Variants in C20orf144 observed in about 807,000 individuals in gnomAD.
C20orf144 encodes chromosome 20 open reading frame 144.
A neutral mutation model predicts 3.8 loss-of-function variants in C20orf144; 8 were observed. The observed-to-expected ratio is 2.11, with a 90% CI of 1.24 to 3.80. The LOEUF (loss-of-function observed/expected upper bound fraction) is 3.80. C20orf144 is among the 30% of genes most tolerant of loss of function. C20orf144 has a pLI of 0.00. For missense variants in C20orf144, 289 were observed against 224.5 expected, an observed-to-expected ratio of 1.29 and a Z score of -1.83; for synonymous variants, 126 against 104.1, an observed-to-expected ratio of 1.21 and a Z score of -1.28.
rs1276756099 is a variant in C20orf144, at chr20:33,663,724, C to T, written c.319C>T (p.Pro107Ser). ...GCTGCGGCGGCAAGAGGCGCGGCGG[C>T]CGGAAGAGGGCGGGGCCAGGGCAGC... The part of the protein sequence containing the change: ...LLLRRQEARR[P>S]EEGGARAALS... Residue 107 changes from proline to serine, a missense_variant, in exon 2 of 2, where the codon CCG (proline) becomes TCG (serine). Physicochemically the swap from Pro to Ser is moderately conservative, Grantham distance 74. Coordinates refer to ENST00000375222, the MANE Select transcript of C20orf144 (RefSeq NM_080825.4). 17 of 1,537,042 alleles carry T rather than the reference C, an allele frequency of 1.1e-5. No homozygotes were observed. The highest frequency in any genetic ancestry group is 1.4e-5 in the Non-Finnish European group (16 of 1,148,600).
In C20orf144 at chr20:33,663,234, G is replaced by C. The variant is rs1026250810; in HGVS notation, c.127-298G>C. The C allele has an allele frequency of 3.2e-5, 15 of 472,210 alleles. No homozygotes were observed. The Admixed American group carries it at 3.7e-4, about 12-fold the overall frequency. 29.3% of individuals were successfully genotyped at this position (472,210 alleles called of 1,614,324 possible). ...GGAGGTGCTGAAAGCCCCTGACATA[G>C]GGCCTGGAAGGGATCTCATAAACTT... On this transcript the variant is annotated intron_variant, in intron 1 of 1. Transcript: ENST00000375222.
chr20:33,663,767 T>G lies in C20orf144; in HGVS notation c.362T>G (p.Leu121Arg), dbSNP rs751530722. 9 of 1,389,248 alleles carry G rather than the reference T, an allele frequency of 6.5e-6. No homozygotes were observed. Among genetic ancestry groups the G allele is most frequent in the Non-Finnish European group, 8.4e-6 (9 of 1,074,228 alleles). The allele number at this position is 1,389,248 out of a possible 1,614,324, so 86.1% of individuals were successfully genotyped here. A position where few individuals can be genotyped will look rare whatever the true frequency, so the allele number is the denominator to read the frequency against. ...AGGGCAGCTCTGAGCTGGCCGCGGC[T>G]GCTCTCGCGCTTCCGGTCCCCGGGG... ...GARAALSWPR[L>R]LSRFRSPGKA... The change falls in exon 2 of 2, where the codon CTG (leucine) becomes CGG (arginine). Residue 121 changes from leucine to arginine, a missense_variant. Transcript: ENST00000375222.
chr20:33,663,781 C>A lies in C20orf144; in HGVS notation c.376C>A (p.Arg126=). The change falls in exon 2 of 2, where the codon CGG becomes AGG. Residue 126 remains arginine (R), a synonymous_variant. Transcript: ENST00000375222. ...CTGGCCGCGGCTGCTCTCGCGCTTC[C>A]GGTCCCCGGGGAAGGCTCCCCGCGA... ...LSWPRLLSRF[R]SPGKAPREAG... is the part of the protein sequence containing the mutation. 7.0e-7 allele frequency: 1 copy of A among 1,432,332 alleles called. No individual in the cohort carries two copies. The highest frequency in any genetic ancestry group is 9.1e-7 in the Non-Finnish European group (1 of 1,102,380). The allele number at this position is 1,432,332 out of a possible 1,614,324, so 88.7% of individuals were successfully genotyped here.
rs1399691307 is a variant in C20orf144 at position 33,663,818 on chromosome 20, C to T, written c.413C>T (p.Ala138Val). ...PGKAPREAGPAEEQPRKRCRC... is the reference protein window; with the variant it reads ...PGKAPREAGPVEEQPRKRCRC... ...AAGGCTCCCCGCGAAGCCGGCCCCG[C>T]CGAGGAGCAGCCGCGCAAACGGTGC... The change falls in exon 2 of 2, where the codon GCC (alanine) becomes GTC (valine). Residue 138 changes from alanine (A) to valine (V), a missense_variant. By Grantham distance (64) the Ala-to-Val change is moderately conservative (BLOSUM62 0). Coordinates refer to ENST00000375222, the MANE Select transcript of C20orf144 (RefSeq NM_080825.4). 1.1e-5 allele frequency: 16 copies of T among 1,414,914 alleles called. No individual in the cohort carries two copies. In the East Asian group the frequency reaches 4.7e-4, roughly 41 times the overall value. The allele number at this position is 1,414,914 out of a possible 1,614,324, so 87.6% of individuals were successfully genotyped here.
intron 1 of C20orf144, among the ~76,000 whole-genome samples, chr20:33,663,144 T>A (rs986445628): frequency 6.6e-6 from 1 of 152,112 alleles, no homozygotes; most frequent in African/African-American, 2.4e-5. Flanking sequence ...TCTCTTCAGC[T>A]CCTAGGCTCA....
chr20:33,662,586 G>A (rs1044270193), intron 1 of C20orf144, 115 bp downstream of exon 1: 6 of 1,240,736 alleles, frequency 4.8e-6, no homozygotes, highest in Non-Finnish European at 5.6e-6. Flanking sequence ...GAAGTCCTAG[G>A]GGGTGAGGGA....
chr20:33,663,348 G>C (rs915519687), intron 1 of C20orf144, 184 bp from the exon 2 acceptor site: 24 of 612,638 alleles, frequency 3.9e-5, no homozygotes, highest in Middle Eastern at 4.4e-4. Flanking sequence ...AGGGAAGGGC[G>C]GGCTTCCCCG....
intron 1 of C20orf144, 102 bp from the exon 2 acceptor site, chr20:33,663,430 G>C: frequency 7.8e-7 from 1 of 1,274,636 alleles, no homozygotes. Context: ...TGGACGACAG[G>C]ACCCGGGTGG....
rs774872819 is a variant in C20orf144 at position 33,663,661 on chromosome 20, G to C, written c.256G>C (p.Gly86Arg). 2.5e-6 allele frequency: 4 copies of C among 1,584,320 alleles called. No homozygotes were observed. Among genetic ancestry groups the C allele is most frequent in the African/African-American group, 1.4e-5 (1 of 73,716 alleles). Residue 86 changes from glycine to arginine, a missense_variant, in exon 2 of 2, where the codon GGT (glycine) becomes CGT (arginine). Physicochemically the swap from Gly to Arg is moderately radical, Grantham distance 125. Transcript: ENST00000375222. ...ACCCAGATTGCGCGGAGCGGGCGAA[G>C]GTAGCGAGCGCGAGCCGAGGATGCC... Reference protein sequence around the residue: ...AAPRLRGAGEGSEREPRMPVL... With the variant: ...AAPRLRGAGERSEREPRMPVL...
At position 33,663,552 on chromosome 20, in the gene C20orf144, C is replaced by T. The variant is rs756215436; in HGVS notation, c.147C>T (p.Leu49=). 1.1e-5 allele frequency: 17 copies of T among 1,610,864 alleles called. No homozygotes were observed. The highest frequency in any genetic ancestry group is 5.0e-5 in the Admixed American group (3 of 59,990). Residue 49 remains leucine (L), a synonymous_variant, in exon 2 of 2, where the codon CTC becomes CTT. Transcript: ENST00000375222. ...CCCAGACCAGGATCGTGCTGATTCT[C>T]CCCCTGGACAAGCGGCAGCCGCTGG... is the stretch of plus-strand genomic sequence containing the variant. ...KKPATRIVLI[L]PLDKRQPLAN...
chr20:33,663,676 C>G lies in C20orf144; in HGVS notation c.271C>G (p.Pro91Ala), dbSNP rs760969269. Residue 91 changes from proline (P) to alanine (A), a missense_variant, in exon 2 of 2, where the codon CCG becomes GCG. Coordinates refer to ENST00000375222, the MANE Select transcript of C20orf144 (RefSeq NM_080825.4). ...RGAGEGSERE[P>A]RMPVLLLLRR... is the part of the protein sequence containing the mutation. ...AGCGGGCGAAGGTAGCGAGCGCGAG[C>G]CGAGGATGCCGGTACTGCTGCTGCT... The G allele has an allele frequency of 6.3e-7, 1 of 1,588,860 alleles. No homozygotes were observed. The highest frequency in any genetic ancestry group is 2.3e-5 in the East Asian group (1 of 43,632).
In C20orf144 at chr20:33,663,687, G is replaced by C; in HGVS notation, c.282G>C (p.Pro94=). Residue 94 remains proline, a synonymous_variant, in exon 2 of 2, where the codon CCG becomes CCC. Coordinates refer to ENST00000375222, the MANE Select transcript of C20orf144 (RefSeq NM_080825.4). ...GTAGCGAGCGCGAGCCGAGGATGCC[G>C]GTACTGCTGCTGCTGCGGCGGCAAG... is the stretch of plus-strand genomic sequence containing the variant. The part of the protein sequence containing the change: ...GEGSEREPRM[P]VLLLLRRQEA... 3.8e-6 allele frequency: 6 copies of C among 1,582,618 alleles called. No individual in the cohort carries two copies. Among genetic ancestry groups the C allele is most frequent in the Non-Finnish European group, 5.1e-6 (6 of 1,170,562 alleles).
intron 1 of C20orf144, 116 bp from the exon 2 acceptor site, chr20:33,663,416 C>CG: frequency 8.9e-7 from 1 of 1,119,866 alleles, no homozygotes; most frequent in East Asian, 2.8e-5. Flanking sequence ...TGACAGGACC[C>CG]GGGTGGACGA....
In C20orf144 at chr20:33,662,476, G is replaced by A. The variant is rs1426937336; in HGVS notation, c.126+5G>A. On this transcript the variant is annotated splice_donor_5th_base_variant and intron_variant, in intron 1 of 1. Coordinates refer to ENST00000375222, the MANE Select transcript of C20orf144 (RefSeq NM_080825.4). Reference sequence around the variant, plus strand: ...CTCACTCGGAAGAAGCCGGCTGTGAGGGCGGGGGATGGGGAGCAGGGCTGG... The same window carrying A: ...CTCACTCGGAAGAAGCCGGCTGTGAAGGCGGGGGATGGGGAGCAGGGCTGG... The A allele has an allele frequency of 1.9e-6, 3 of 1,551,418 alleles. No individual in the cohort carries two copies. Among genetic ancestry groups the A allele is most frequent in the South Asian group, 1.2e-5 (1 of 84,090 alleles).
At chr20:33,663,475 G>A in intron 1 of C20orf144, 57 bp from the exon 2 acceptor site, 1 of 1,545,694 alleles carries the variant, frequency 6.5e-7, no homozygotes, top group Non-Finnish European at 8.7e-7. Flanking sequence ...AGCGGCCCCG[G>A]GTCGTGGGCT....
At chr20:33,663,504 CCGCCTCA>C in intron 1 of C20orf144, 21 bp from the exon 2 acceptor site, 1 of 1,597,176 alleles carries the variant, frequency 6.3e-7, no homozygotes, top group Non-Finnish European at 8.5e-7. Flanking sequence ...GCGCGCTCTC[CCGCCTCA>C]CGCCCCTGTT....
In C20orf144 at chr20:33,663,709, C is replaced by A. The variant is rs1183825290; in HGVS notation, c.304C>A (p.Gln102Lys). The change falls in exon 2 of 2, where the codon CAA becomes AAA. Residue 102 changes from glutamine to lysine, a missense_variant. Gln to Lys is a moderately conservative substitution (Grantham distance 53). Transcript: ENST00000375222. ...RMPVLLLLRR[Q>K]EARRPEEGGA... is the part of the protein sequence containing the mutation. ...GCCGGTACTGCTGCTGCTGCGGCGGCAAGAGGCGCGGCGGCCGGAAGAGGG... is the reference window on the plus strand; with the variant it reads ...GCCGGTACTGCTGCTGCTGCGGCGGAAAGAGGCGCGGCGGCCGGAAGAGGG... 3 of 1,536,304 alleles carry A rather than the reference C, an allele frequency of 2.0e-6. No individual in the cohort carries two copies. Among genetic ancestry groups the A allele is most frequent in the African/African-American group, 3.5e-5 (2 of 56,634 alleles).
Position 33,663,731 on chromosome 20 carries a change from A to G in C20orf144, c.326A>G (p.Glu109Gly). Reference sequence around the variant, plus strand: ...CGGCAAGAGGCGCGGCGGCCGGAAGAGGGCGGGGCCAGGGCAGCTCTGAGC... The same window carrying G: ...CGGCAAGAGGCGCGGCGGCCGGAAGGGGGCGGGGCCAGGGCAGCTCTGAGC... ...LRRQEARRPE[E>G]GGARAALSWP... Residue 109 changes from glutamate (E) to glycine (G), a missense_variant, in exon 2 of 2, where the codon GAG (glutamate) becomes GGG (glycine). Physicochemically the swap from Glu to Gly is moderately conservative, Grantham distance 98 (BLOSUM62 -2). Coordinates refer to ENST00000375222, the MANE Select transcript of C20orf144 (RefSeq NM_080825.4). 6.5e-7 allele frequency: 1 copy of G among 1,532,890 alleles called. No individual in the cohort carries two copies. Among genetic ancestry groups the G allele is most frequent in the Non-Finnish European group, 8.7e-7 (1 of 1,146,160 alleles). 95.0% of individuals were successfully genotyped at this position (1,532,890 alleles called of 1,614,324 possible).
At chr20:33,662,576 GAAGTCCT>G in intron 1 of C20orf144, 105 bp downstream of exon 1, 1 of 1,300,810 alleles carries the variant, frequency 7.7e-7, no homozygotes, top group African/African-American at 1.5e-5. Context: ...CTTGTATGCA[GAAGTCCT>G]AGGGGGTGAG....
Sources: gnomAD v4.1 joint callset for allele counts (sites outside exome capture counted in the v4.1 genomes callset) on GRCh38, gnomAD v4.1.1 for gene constraint, MANE v1.5 for transcripts, NCBI Gene and HGNC (gene_info 2026-07-23, HGNC 2026-07-21) for gene names.